The following ST6GAL1 variants were observed in gnomAD, a reference collection of about 807,000 sequenced individuals.
ST6GAL1 encodes the protein ST6 beta-galactoside alpha-2,6-sialyltransferase 1, also known as beta-galactoside alpha-2,6-sialyltransferase 1.
A neutral mutation model predicts 38.0 loss-of-function variants in ST6GAL1; 20 were observed. That is an observed-to-expected ratio of 0.53 (90% CI 0.37 to 0.77). The LOEUF (loss-of-function observed/expected upper bound fraction) is 0.77, where lower values mean the gene tolerates loss of function less well. Ranked by LOEUF, ST6GAL1 falls within the 30% of genes least tolerant of loss-of-function variation. The pLI, the probability that ST6GAL1 is intolerant of heterozygous loss-of-function variation, is 0.00. For missense variants in ST6GAL1, 432 were observed against 496.4 expected, an observed-to-expected ratio of 0.87 and a Z score of 1.23; for synonymous variants, 196 against 188.2, an observed-to-expected ratio of 1.04 and a Z score of -0.34.
intron 5 of ST6GAL1, among the ~76,000 whole-genome samples, chr3:187,051,744 AACT>A (rs1486408350): frequency 6.6e-6 from 1 of 152,208 alleles, no homozygotes; most frequent in African/African-American, 2.4e-5. Context: ...AATGCTATAC[AACT>A]ACTATAAGAC....
chr3:186,987,948 C>G (rs1716010939), intron 2 of ST6GAL1, among the ~76,000 whole-genome samples: 1 of 152,132 alleles, frequency 6.6e-6, no homozygotes, highest in South Asian at 2.1e-4. Context: ...GTAAGGTAAC[C>G]TCTTTTCCAG....
intron 5 of ST6GAL1, among the ~76,000 whole-genome samples, chr3:187,066,251 GAC>G (rs1432796834): frequency 3.3e-5 from 5 of 152,138 alleles, no homozygotes; most frequent in Non-Finnish European, 7.4e-5. Flanking sequence ...TGGGCCAGCA[GAC>G]ACAGTCTCAG....
chr3:186,931,183 G>GTCTGGGTTCCTTCAAATCCTGCCT (rs6148233), intron 1 of ST6GAL1: 65,974 of 129,242 alleles, frequency 0.51, 16,411 homozygotes, highest in South Asian at 0.65. Flanking sequence ...GCCTTGCAGA[G>GTCTGGGTTCCTTCAAATCCTGCCT]TCTGGGTTTA....
intron 1 of ST6GAL1, among the ~76,000 whole-genome samples, chr3:186,934,663 T>C (rs1391666918): frequency 6.6e-6 from 1 of 152,204 alleles, no homozygotes; most frequent in African/African-American, 2.4e-5. Flanking sequence ...CCTGGGGTTG[T>C]TGAGGGCATT....
In ST6GAL1 at chr3:187,076,489, G is replaced by A; in HGVS notation, c.*686G>A. The A allele has an allele frequency of 4.6e-6, 1 of 215,798 alleles. No individual in the cohort carries two copies. The highest frequency in any genetic ancestry group is 9.0e-6 in the Non-Finnish European group (1 of 110,972). The allele number at this position is 215,798 out of a possible 1,614,324, so 13.4% of individuals were successfully genotyped here. On this transcript the variant is annotated 3_prime_UTR_variant, in exon 8 of 8. Coordinates refer to ENST00000169298, the MANE Select transcript of ST6GAL1 (RefSeq NM_173216.2). ...CAGTGTCTATCCTCAAGTTGCTACG[G>A]TTCAGTGAGAGAGGCAGACATCTGA... is the stretch of plus-strand genomic sequence containing the variant.
At chr3:186,940,799 TTC>T (rs1553815110) in intron 1 of ST6GAL1, among the ~76,000 whole-genome samples, 1 of 151,726 alleles carries the variant, frequency 6.6e-6, no homozygotes, top group Non-Finnish European at 1.5e-5. Flanking sequence ...TTTTTTTTTT[TTC>T]ATAGCTGCAT....
intron 2 of ST6GAL1, among the ~76,000 whole-genome samples, chr3:187,010,738 G>A (rs753624701): frequency 2.8e-4 from 43 of 152,232 alleles, no homozygotes; most frequent in Non-Finnish European, 4.7e-4. Context: ...ATACTGTGGC[G>A]AGCAATATCT....
intron 3 of ST6GAL1, among the ~76,000 whole-genome samples, chr3:187,040,055 G>C (rs1309395994): frequency 6.6e-6 from 1 of 152,206 alleles, no homozygotes; most frequent in Non-Finnish European, 1.5e-5. Flanking sequence ...AGTGAATCAG[G>C]CCCTTCCTGC....
chr3:186,977,895 CT>C (rs1375528959), intron 2 of ST6GAL1, among the ~76,000 whole-genome samples: 2 of 152,152 alleles, frequency 1.3e-5, no homozygotes, highest in Admixed American at 6.5e-5. Flanking sequence ...GTGAATGGGA[CT>C]TGTTATTGCC....
At chr3:187,056,294 G>A (rs1028891872) in intron 5 of ST6GAL1, among the ~76,000 whole-genome samples, 2 of 152,130 alleles carry the variant, frequency 1.3e-5, no homozygotes, top group African/African-American at 2.4e-5. Flanking sequence ...GGGGCATTTA[G>A]CCCATTTACA....
At chr3:187,026,307 G>C (rs991362934) in intron 2 of ST6GAL1, among the ~76,000 whole-genome samples, 1 of 152,184 alleles carries the variant, frequency 6.6e-6, no homozygotes, top group Admixed American at 6.5e-5. Context: ...GAGCCAGACA[G>C]CCTGGGCAGG....
chr3:187,050,031 G>C (rs1718454627), intron 4 of ST6GAL1, among the ~76,000 whole-genome samples: 1 of 152,212 alleles, frequency 6.6e-6, no homozygotes, highest in Non-Finnish European at 1.5e-5. Flanking sequence ...GGATAGGGTT[G>C]TGTTGTTTTC....
intron 2 of ST6GAL1, among the ~76,000 whole-genome samples, chr3:187,032,776 G>A (rs1304846218): frequency 1.3e-5 from 2 of 152,140 alleles, no homozygotes; most frequent in African/African-American, 2.4e-5. Flanking sequence ...AGCTGATGAG[G>A]AGAGCCCCAA....
At chr3:187,066,912 C>G (rs927450368) in intron 5 of ST6GAL1, among the ~76,000 whole-genome samples, 1 of 151,954 alleles carries the variant, frequency 6.6e-6, no homozygotes, top group African/African-American at 2.4e-5. Context: ...AGCTGGTCCC[C>G]TCAGCAGGGC....
intron 2 of ST6GAL1, among the ~76,000 whole-genome samples, chr3:187,011,054 T>A (rs10804908): frequency 0.74 from 112,045 of 152,096 alleles, 41,722 homozygotes; most frequent in South Asian, 0.84. Context: ...GCGTTTTCTC[T>A]AACTTGGTCA....
intron 2 of ST6GAL1, among the ~76,000 whole-genome samples, chr3:186,978,774 G>T (rs1715598485): frequency 6.6e-6 from 1 of 152,080 alleles, no homozygotes; most frequent in Non-Finnish European, 1.5e-5. Flanking sequence ...CAGATGTCCT[G>T]TCGAAGACCA....
At chr3:186,984,477 C>T (rs1010906269) in intron 2 of ST6GAL1, among the ~76,000 whole-genome samples, 3 of 152,090 alleles carry the variant, frequency 2.0e-5, no homozygotes, top group Non-Finnish European at 2.9e-5. Context: ...TTGTTCCTCC[C>T]GGACCCCGTC....
At chr3:186,967,645 C>T (rs1363706936) in intron 2 of ST6GAL1, among the ~76,000 whole-genome samples, 2 of 152,252 alleles carry the variant, frequency 1.3e-5, no homozygotes, top group East Asian at 1.9e-4. Context: ...GGCACTGCTA[C>T]GTGGAGGTGG....
At chr3:186,946,508 G>A (rs1296260549) in intron 1 of ST6GAL1, among the ~76,000 whole-genome samples, 1 of 152,060 alleles carries the variant, frequency 6.6e-6, no homozygotes, top group Non-Finnish European at 1.5e-5. Flanking sequence ...GCCTCCGAAA[G>A]TGTTGGGATT....
Sources: allele counts gnomAD v4.1 joint callset (sites outside exome capture counted in the v4.1 genomes callset), GRCh38; gene constraint gnomAD v4.1.1; transcripts MANE v1.5; gene names NCBI Gene and HGNC (gene_info 2026-07-23, HGNC 2026-07-21).